Variants in COL20A1 observed in about 807,000 individuals in gnomAD.
COL20A1 encodes the protein collagen alpha-1(XX) chain.
COL20A1 carries 164 observed loss-of-function variants against 152.9 expected under a neutral mutation model. The ratio of observed to expected loss-of-function variants is 1.07; its 90% CI spans 0.94 to 1.22. COL20A1 has a LOEUF of 1.22. Ranked by LOEUF, COL20A1 falls within the 50% of genes most tolerant of loss-of-function variation. The probability of loss-of-function intolerance (pLI) is 0.00; values close to 1 mark genes in which losing one functional copy is unlikely to be tolerated. For synonymous variants in COL20A1, 864 were observed against 756.0 expected, an observed-to-expected ratio of 1.14 and a Z score of -2.34; for missense variants, 1,873 against 1,744.8, an observed-to-expected ratio of 1.07 and a Z score of -1.31.
intron 28 of COL20A1, 74 bp downstream of exon 28, chr20:63,325,568 G>A: frequency 1.9e-6 from 3 of 1,548,020 alleles, no homozygotes; most frequent in South Asian, 2.2e-5. Context: ...GATGGGGAGT[G>A]CCTGGGGGGC....
intron 33 of COL20A1, 94 bp downstream of exon 33, chr20:63,328,221 C>T (rs1360400217): frequency 1.1e-5 from 17 of 1,562,304 alleles, no homozygotes; most frequent in African/African-American, 4.1e-5. Context: ...CGAGGGAGGC[C>T]GCCTTCACCC....
intron 2 of COL20A1, among the ~76,000 whole-genome samples, chr20:63,297,597 G>C (rs1478748484): frequency 6.6e-6 from 1 of 152,228 alleles, no homozygotes; most frequent in Non-Finnish European, 1.5e-5. Flanking sequence ...CTGGTGGGAG[G>C]ACCCCCGGAG....
At chr20:63,312,996 A>C (rs2068032457) in intron 16 of COL20A1, 62 bp downstream of exon 16, 1 of 1,527,126 alleles carries the variant, frequency 6.5e-7, no homozygotes, top group African/African-American at 1.4e-5. Flanking sequence ...CCTGAAGCCA[A>C]AGTCTAGGGC....
Position 63,326,837 on chromosome 20 carries a change from C to G in COL20A1, c.3528+14C>G, listed in dbSNP as rs2068257332. 2 of 1,486,906 alleles carry G rather than the reference C, an allele frequency of 1.3e-6. No homozygotes were observed. Among genetic ancestry groups the G allele is most frequent in the Non-Finnish European group, 1.8e-6 (2 of 1,128,072 alleles). 92.1% of individuals were successfully genotyped at this position (1,486,906 alleles called of 1,614,324 possible). ...GTGGGGCCCACAGTAAGTGCATTTC[C>G]AACACCCACCAGCCAACCAAAGGTG... On this transcript the variant is annotated intron_variant, in intron 31 of 35. Transcript: ENST00000358894.
rs1262217822 is a variant in COL20A1 at position 63,330,769 on chromosome 20, T to G, written c.*53T>G. ...AACGCTGAGCCTTCCTCCCTGGGTT[T>G]GTCTGGACACCGAGAGCGACCACAT... On this transcript the variant is annotated 3_prime_UTR_variant, in exon 36 of 36. Transcript: ENST00000358894. 2.0e-5 allele frequency: 3 copies of G among 152,164 alleles called. No individual in the cohort carries two copies. The highest frequency in any genetic ancestry group is 4.4e-5 in the Non-Finnish European group (3 of 68,052). The allele number at this position is 152,164 out of a possible 1,614,324, so 9.4% of individuals were successfully genotyped here.
intron 1 of COL20A1, among the ~76,000 whole-genome samples, chr20:63,294,589 C>T (rs116890284): frequency 1.2e-3 from 177 of 152,272 alleles, no homozygotes; most frequent in Non-Finnish European, 2.0e-3. Context: ...CTCCCCACTC[C>T]TACTAGGCAG....
intron 2 of COL20A1, among the ~76,000 whole-genome samples, chr20:63,295,397 C>T (rs1037869831): frequency 6.6e-6 from 1 of 152,274 alleles, no homozygotes; most frequent in Admixed American, 6.5e-5. Context: ...GAGCACATCT[C>T]TGTGGTTTAG....
chr20:63,295,237 C>T (rs2067772135), intron 2 of COL20A1, 48 bp downstream of exon 2: 2 of 1,312,788 alleles, frequency 1.5e-6, no homozygotes, highest in Non-Finnish European at 2.1e-6. Context: ...GCCACGCCTG[C>T]CCCACCAGTG....
rs2068038424 is a variant in COL20A1, at chr20:63,313,206, G to T, written c.2166G>T (p.Arg722Ser). Residue 722 changes from arginine (R) to serine (S), a missense_variant, in exon 17 of 36, where the codon AGG (arginine) becomes AGT (serine). Coordinates refer to ENST00000358894, the MANE Select transcript of COL20A1 (RefSeq NM_020882.4). This position sits in a 1 kb window ranked among gnomAD's most constrained non-coding sequence, Gnocchi z 5.9. ...EYDVTILAYY[R>S]DGARSDPVSL... The stretch of plus-strand genomic sequence containing the variant: ...ACGTCACCATCTTGGCCTACTACAG[G>T]GACGGGGCCCGCAGTGACCCTGTGT... 6.2e-7 allele frequency: 1 copy of T among 1,612,408 alleles called. No individual in the cohort carries two copies. The highest frequency in any genetic ancestry group is 8.5e-7 in the Non-Finnish European group (1 of 1,179,708).
rs1265387817 is a variant in COL20A1 at position 63,316,625 on chromosome 20, C to T, written c.2597C>T (p.Pro866Leu). ...TCCATCCGGGGCGTGGCCATGGAGC[C>T]CTCTGCCTTCGGTGGGACCCCGACC... ...YASIRGVAME[P>L]SAFGGTPTFT... Residue 866 changes from proline to leucine, a missense_variant, in exon 21 of 36, where the codon CCC (proline) becomes CTC (leucine). Coordinates refer to ENST00000358894, the MANE Select transcript of COL20A1 (RefSeq NM_020882.4). 1.3e-6 allele frequency: 2 copies of T among 1,580,654 alleles called. No individual in the cohort carries two copies. Among genetic ancestry groups the T allele is most frequent in the East Asian group, 2.3e-5 (1 of 43,246 alleles).
intron 21 of COL20A1, 86 bp from the exon 22 acceptor site, chr20:63,318,972 G>T: frequency 9.4e-7 from 1 of 1,060,702 alleles, no homozygotes; most frequent in East Asian, 2.4e-5. Context: ...TGGCACTGGG[G>T]CTGGGGCTGG....
Position 63,307,629 on chromosome 20 carries a change from G to A in COL20A1, c.636G>A (p.Gly212=), listed in dbSNP as rs553552637. 6.2e-7 allele frequency: 1 copy of A among 1,612,456 alleles called. No homozygotes were observed. ...LASVIAPFEI[G]PDKVQVGLTQ... is the part of the protein sequence containing the mutation. ...GTGTCATCGCACCCTTTGAAATCGGGCCGGATAAGGTCCAAGTAGGTGGGT... is the reference window on the plus strand; with the variant it reads ...GTGTCATCGCACCCTTTGAAATCGGACCGGATAAGGTCCAAGTAGGTGGGT... Residue 212 remains glycine (G), a synonymous_variant, in exon 6 of 36, where the codon GGG becomes GGA. Transcript: ENST00000358894.
chr20:63,313,361 T>A lies in COL20A1; in HGVS notation c.2209+112T>A. On this transcript the variant is annotated intron_variant, in intron 17 of 35. Coordinates refer to ENST00000358894, the MANE Select transcript of COL20A1 (RefSeq NM_020882.4). The surrounding 1 kb of genome is among the most constrained non-coding windows in gnomAD (Gnocchi z 5.9). Reference sequence around the variant, plus strand: ...ACCCTAGACTCCCAGAACTGCTGGCTCCAGAGCCCTGATCACTGGGCCTGG... The same window carrying A: ...ACCCTAGACTCCCAGAACTGCTGGCACCAGAGCCCTGATCACTGGGCCTGG... 5 of 1,202,830 alleles carry A rather than the reference T, an allele frequency of 4.2e-6. No homozygotes were observed. The highest frequency in any genetic ancestry group is 5.7e-6 in the Non-Finnish European group (5 of 870,678). The allele number at this position is 1,202,830 out of a possible 1,614,324, so 74.5% of individuals were successfully genotyped here.
At chr20:63,321,838 G>A (rs920635852) in intron 26 of COL20A1, among the ~76,000 whole-genome samples, 17 of 151,786 alleles carry the variant, frequency 1.1e-4, no homozygotes, top group Non-Finnish European at 2.4e-4. Flanking sequence ...CAGGGGGCCG[G>A]GGTTTGAACC....
At position 63,319,240 on chromosome 20, in the gene COL20A1, G is replaced by A; in HGVS notation, c.2806+40G>A. 1.9e-6 allele frequency: 3 copies of A among 1,594,934 alleles called. No individual in the cohort carries two copies. Among genetic ancestry groups the A allele is most frequent in the Admixed American group, 3.4e-5 (2 of 58,174 alleles). On this transcript the variant is annotated intron_variant, in intron 22 of 35. Coordinates refer to ENST00000358894, the MANE Select transcript of COL20A1 (RefSeq NM_020882.4). This position sits in a 1 kb window ranked among gnomAD's most constrained non-coding sequence, Gnocchi z 4.4. The stretch of plus-strand genomic sequence containing the variant: ...GCGTCGCCCCCAGCAGTCAGGAGGA[G>A]TAGGGGCAGGGAGGCCCCAGAGCCC...
intron 19 of COL20A1, 40 bp from the exon 20 acceptor site, chr20:63,315,364 G>C (rs1429641619): frequency 2.6e-6 from 4 of 1,550,436 alleles, no homozygotes; most frequent in Non-Finnish European, 3.5e-6. Flanking sequence ...TTGGAGGCTG[G>C]GCCGCTCCCA....
intron 7 of COL20A1, 128 bp downstream of exon 7, chr20:63,308,218 T>C (rs1299960295): frequency 7.9e-6 from 9 of 1,141,000 alleles, no homozygotes; most frequent in Non-Finnish European, 9.9e-6. Context: ...TTCACACCTT[T>C]ATAGAGGGCA....
Position 63,313,132 on chromosome 20 carries a change from A to G in COL20A1, c.2092A>G (p.Asn698Asp). ...GKAHEISVPG[N>D]LGTAVLPGLG... ...CTCTCCCTAGATCTCTGTCCCAGGGAACCTCGGCACGGCCGTCCTGCCTGG... is the reference window on the plus strand; with the variant it reads ...CTCTCCCTAGATCTCTGTCCCAGGGGACCTCGGCACGGCCGTCCTGCCTGG... The change falls in exon 17 of 36, where the codon AAC (asparagine) becomes GAC (aspartate). Residue 698 changes from asparagine to aspartate, a missense_variant. By Grantham distance (23) the Asn-to-Asp change is conservative (BLOSUM62 1). Coordinates refer to ENST00000358894, the MANE Select transcript of COL20A1 (RefSeq NM_020882.4). This position sits in a 1 kb window ranked among gnomAD's most constrained non-coding sequence, Gnocchi z 5.9. The G allele has an allele frequency of 1.9e-6, 3 of 1,610,034 alleles. No individual in the cohort carries two copies. In the Middle Eastern group the frequency reaches 5.0e-4, roughly 266 times the overall value.
intron 19 of COL20A1, 75 bp from the exon 20 acceptor site, chr20:63,315,329 C>T: frequency 2.9e-6 from 4 of 1,401,220 alleles, no homozygotes; most frequent in East Asian, 2.5e-5. Context: ...CATGAAGTGG[C>T]CCCTCCCCAG....
Sources: gnomAD v4.1 joint callset for allele counts (sites outside exome capture counted in the v4.1 genomes callset) on GRCh38, gnomAD v4.1.1 for gene constraint, Gnocchi (gnomAD v3.1) non-coding constraint, MANE v1.5 for transcripts, NCBI Gene and HGNC (gene_info 2026-07-23, HGNC 2026-07-21) for gene names.